Variants in CNTNAP2 observed in about 807,000 individuals in gnomAD.
CNTNAP2 encodes contactin associated protein 2.
In CNTNAP2, 98 loss-of-function variants were observed where a neutral mutation model predicts 155.2. The observed-to-expected ratio is 0.63, with a 90% CI of 0.54 to 0.75. The LOEUF (loss-of-function observed/expected upper bound fraction) is 0.75. Among genes scored for constraint, CNTNAP2 ranks in the 30% least tolerant of loss-of-function variants. The probability of loss-of-function intolerance (pLI) is 0.00; values close to 1 mark genes in which losing one functional copy is unlikely to be tolerated. For synonymous variants in CNTNAP2, 651 were observed against 631.2 expected, an observed-to-expected ratio of 1.03 and a Z score of -0.47; for missense variants, 1,727 against 1,688.1, an observed-to-expected ratio of 1.02 and a Z score of -0.40.
intron 14 of CNTNAP2, among the ~76,000 whole-genome samples, chr7:147,917,681 A>T (rs1800183564): frequency 6.6e-6 from 1 of 152,190 alleles, no homozygotes; most frequent in Non-Finnish European, 1.5e-5. Flanking sequence ...CCTAAAAATG[A>T]GCATTCTGTT....
chr7:148,350,449 T>C (rs1281381344), intron 21 of CNTNAP2, among the ~76,000 whole-genome samples: 1 of 152,200 alleles, frequency 6.6e-6, no homozygotes, highest in Non-Finnish European at 1.5e-5. Context: ...TAATGATTTT[T>C]TGAGGTCATG....
intron 11 of CNTNAP2, among the ~76,000 whole-genome samples, chr7:147,491,559 T>G (rs1008719692): frequency 1.3e-5 from 2 of 152,248 alleles, no homozygotes; most frequent in Non-Finnish European, 2.9e-5. Flanking sequence ...TCTCTGCATC[T>G]CTGGCAGGAG....
chr7:147,862,554 A>G (rs1002699940), intron 13 of CNTNAP2, among the ~76,000 whole-genome samples: 3 of 152,136 alleles, frequency 2.0e-5, no homozygotes, highest in Admixed American at 6.6e-5. Context: ...GAGGTTCTTC[A>G]GCTTAAAATC....
At chr7:147,975,749 C>G (rs971642393) in intron 14 of CNTNAP2, among the ~76,000 whole-genome samples, 3 of 152,132 alleles carry the variant, frequency 2.0e-5, no homozygotes, top group Non-Finnish European at 4.4e-5. Flanking sequence ...CATTTATTCT[C>G]AGTACATATT....
intron 11 of CNTNAP2, among the ~76,000 whole-genome samples, chr7:147,509,306 T>C (rs537480703): frequency 4.1e-4 from 62 of 152,324 alleles, no homozygotes; most frequent in African/African-American, 1.4e-3. Context: ...TATTTGCTTT[T>C]TGATGTCAAA....
At chr7:148,287,763 G>T (rs919309275) in intron 21 of CNTNAP2, among the ~76,000 whole-genome samples, 1 of 151,234 alleles carries the variant, frequency 6.6e-6, no homozygotes, top group Non-Finnish European at 1.5e-5. Context: ...GTCAACTCAG[G>T]TCTCTCTTCC....
In CNTNAP2 at chr7:148,170,300, C is replaced by T. The variant is rs1261523221; in HGVS notation, c.2774-1942C>T. On this transcript the variant is annotated intron_variant, in intron 17 of 23. Coordinates refer to ENST00000361727, the MANE Select transcript of CNTNAP2 (RefSeq NM_014141.6). Reference sequence around the variant, plus strand: ...GTGATAAAAAATTTTTAAGGCCAGACATTTATTTAATAAAATGTCTTTTGG... The same window carrying T: ...GTGATAAAAAATTTTTAAGGCCAGATATTTATTTAATAAAATGTCTTTTGG... 7.2e-5 allele frequency among the ~76,000 whole-genome samples: 11 copies of T among 152,254 alleles called. No homozygotes were observed. The East Asian group carries it at 2.1e-3, about 29-fold the overall frequency.
chr7:146,529,788 A>G (rs1306001672), intron 1 of CNTNAP2, among the ~76,000 whole-genome samples: 1 of 152,022 alleles, frequency 6.6e-6, no homozygotes, highest in East Asian at 1.9e-4. Context: ...AACATGGTGA[A>G]ACCCCGTCTC....
At chr7:147,486,251 C>T (rs914785375) in intron 11 of CNTNAP2, among the ~76,000 whole-genome samples, 1 of 152,008 alleles carries the variant, frequency 6.6e-6, no homozygotes, top group Non-Finnish European at 1.5e-5. Context: ...GCAAAGGACT[C>T]AAAAAGAAGG....
intron 8 of CNTNAP2, among the ~76,000 whole-genome samples, chr7:147,167,086 C>T (rs1802129076): frequency 6.6e-6 from 1 of 152,040 alleles, no homozygotes; most frequent in African/African-American, 2.4e-5. Context: ...TGGAAACTGA[C>T]ATTTTCCTTT....
chr7:146,587,345 C>T (rs549415027), intron 1 of CNTNAP2, among the ~76,000 whole-genome samples: 105 of 152,198 alleles, frequency 6.9e-4, no homozygotes, highest in Non-Finnish European at 1.2e-3. Context: ...ACAGCCTCTC[C>T]GATATCTTTT....
At chr7:146,231,879 G>A (rs1203991186) in intron 1 of CNTNAP2, among the ~76,000 whole-genome samples, 1 of 152,170 alleles carries the variant, frequency 6.6e-6, no homozygotes, top group African/African-American at 2.4e-5. Context: ...GTCCATTTGT[G>A]CAGAAAGGTG....
intron 13 of CNTNAP2, among the ~76,000 whole-genome samples, chr7:147,877,141 T>G (rs971480873): frequency 6.6e-6 from 1 of 152,094 alleles, no homozygotes; most frequent in African/African-American, 2.4e-5. Flanking sequence ...CGAAGGCTTT[T>G]TTGTGTTGTT....
intron 1 of CNTNAP2, among the ~76,000 whole-genome samples, chr7:146,120,596 T>C (rs1475683221): frequency 9.2e-5 from 14 of 152,192 alleles, no homozygotes; most frequent in Admixed American, 5.2e-4. Context: ...CTTACAGTTA[T>C]GTGCCCCATA....
At chr7:146,933,288 T>C (rs1333002641) in intron 3 of CNTNAP2, among the ~76,000 whole-genome samples, 3 of 151,946 alleles carry the variant, frequency 2.0e-5, no homozygotes, top group Admixed American at 1.3e-4. Context: ...ATGTCGCATA[T>C]CTACAACTAT....
rs1802535290 is a variant in CNTNAP2, at chr7:148,034,352, G to A, written c.2383+56363G>A. Among the ~76,000 whole-genome samples the A allele has an allele frequency of 2.0e-5, 3 of 152,284 alleles. No homozygotes were observed. In the South Asian group the frequency reaches 6.2e-4, roughly 32 times the overall value. The stretch of plus-strand genomic sequence containing the variant: ...GTTGGAAGGTTGACCCCCAATGCAG[G>A]GATATTGGGAGGTTAAGCCTAATGG... On this transcript the variant is annotated intron_variant, in intron 15 of 23. Coordinates refer to ENST00000361727, the MANE Select transcript of CNTNAP2 (RefSeq NM_014141.6).
chr7:146,308,326 C>A lies in CNTNAP2; in HGVS notation c.97+191353C>A, dbSNP rs543283000. 4.1e-3 allele frequency among the ~76,000 whole-genome samples: 623 copies of A among 152,236 alleles called. 4 individuals carry two copies. Among genetic ancestry groups the A allele is most frequent in the Non-Finnish European group, 7.7e-3 (525 of 68,004 alleles). ...TGGCAATCATTAAAAAGTCAGGAAA[C>A]AACAGGTGCTGGAGAGGATGTGGAG... On this transcript the variant is annotated intron_variant, in intron 1 of 23. Coordinates refer to ENST00000361727, the MANE Select transcript of CNTNAP2 (RefSeq NM_014141.6).
chr7:146,834,936 T>C lies in CNTNAP2; in HGVS notation c.209-4775T>C, dbSNP rs144700577. Among the ~76,000 whole-genome samples, 3 of 152,294 alleles carry C rather than the reference T, an allele frequency of 2.0e-5. No homozygotes were observed. In the East Asian group the frequency reaches 5.8e-4, roughly 30 times the overall value. ...AATAAACTTCCCCGAATTGCATTGC[T>C]TGATAGACCAAAGAGAAAAAGGGAA... On this transcript the variant is annotated intron_variant, in intron 2 of 23. Coordinates refer to ENST00000361727, the MANE Select transcript of CNTNAP2 (RefSeq NM_014141.6).
chr7:146,683,329 G>T lies in CNTNAP2; in HGVS notation c.98-90942G>T, dbSNP rs1309998036. On this transcript the variant is annotated intron_variant, in intron 1 of 23. Coordinates refer to ENST00000361727, the MANE Select transcript of CNTNAP2 (RefSeq NM_014141.6). ...ATTACAGGCATGAGCCACCATGCAC[G>T]GCCAAGTCGTTACCTAAAATATTTC... Among the ~76,000 whole-genome samples the T allele has an allele frequency of 8.5e-5, 13 of 152,176 alleles. 1 individual carries two copies. Among genetic ancestry groups the T allele is most frequent in the Admixed American group, 8.5e-4 (13 of 15,262 alleles).
Sources: allele counts gnomAD v4.1 joint callset (sites outside exome capture counted in the v4.1 genomes callset), GRCh38; gene constraint gnomAD v4.1.1; transcripts MANE v1.5; gene names NCBI Gene and HGNC (gene_info 2026-07-23, HGNC 2026-07-21).